PCDHGA6: variants seen among roughly 807,000 people sequenced by gnomAD.
PCDHGA6 encodes the protein protocadherin gamma subfamily A, 6.
A neutral mutation model predicts 60.6 loss-of-function variants in PCDHGA6; 41 were observed. The ratio of observed to expected loss-of-function variants is 0.68; its 90% CI spans 0.53 to 0.88. The LOEUF (loss-of-function observed/expected upper bound fraction) is 0.88, where lower values mean the gene tolerates loss of function less well. Ranked by LOEUF, PCDHGA6 falls within the 40% of genes least tolerant of loss-of-function variation. The pLI, the probability that PCDHGA6 is intolerant of heterozygous loss-of-function variation, is 0.00. For synonymous variants in PCDHGA6, 594 were observed against 524.4 expected, an observed-to-expected ratio of 1.13 and a Z score of -1.81; for missense variants, 1,312 against 1,203.0, an observed-to-expected ratio of 1.09 and a Z score of -1.34.
intron 1 of PCDHGA6, chr5:141,378,924 G>T (rs1426450881): frequency 6.6e-6 from 1 of 152,202 alleles, no homozygotes; most frequent in Non-Finnish European, 1.5e-5. Flanking sequence ...TCAAAAGTAA[G>T]TTGATGGCCC....
chr5:141,445,252 A>G (rs2098461096), intron 1 of PCDHGA6, among the ~76,000 whole-genome samples: 1 of 152,224 alleles, frequency 6.6e-6, no homozygotes, highest in Non-Finnish European at 1.5e-5. Context: ...ATATTGTGTG[A>G]GAATATAAGT....
intron 1 of PCDHGA6, chr5:141,394,248 C>T (rs937129072): frequency 9.3e-6 from 15 of 1,613,816 alleles, no homozygotes; most frequent in Admixed American, 6.7e-5. Flanking sequence ...TGCACACGAC[C>T]CCGACAGCCA....
At chr5:141,473,168 A>G (rs1026233643) in intron 1 of PCDHGA6, among the ~76,000 whole-genome samples, 2 of 152,218 alleles carry the variant, frequency 1.3e-5, no homozygotes, top group Admixed American at 1.3e-4. Context: ...AGGAAGGCCC[A>G]CTGGTAACTT....
intron 1 of PCDHGA6, among the ~76,000 whole-genome samples, chr5:141,435,619 T>A (rs2097772280): frequency 6.6e-6 from 1 of 152,190 alleles, no homozygotes; most frequent in Non-Finnish European, 1.5e-5. Context: ...AAATTCCCCA[T>A]AACTTTTACA....
rs979237199 is a variant in PCDHGA6, at chr5:141,477,828, G to C, written c.2425-16979G>C. On this transcript the variant is annotated intron_variant, in intron 1 of 3. Transcript: ENST00000517434. This position sits in a 1 kb window ranked among gnomAD's most constrained non-coding sequence, Gnocchi z 4.9. Reference sequence around the variant, plus strand: ...AATGCCCCCCAGGTCCTATATCCTCGGCCAGGTGGGAGCTCGGTGGAGATG... The same window carrying C: ...AATGCCCCCCAGGTCCTATATCCTCCGCCAGGTGGGAGCTCGGTGGAGATG... The C allele has an allele frequency of 3.7e-6, 6 of 1,614,082 alleles. No individual in the cohort carries two copies. The highest frequency in any genetic ancestry group is 3.4e-6 in the Non-Finnish European group (4 of 1,180,006).
intron 1 of PCDHGA6, among the ~76,000 whole-genome samples, chr5:141,472,711 C>T (rs1014451209): frequency 4.6e-5 from 7 of 151,904 alleles, no homozygotes; most frequent in Admixed American, 2.0e-4. Context: ...ACAGGCCAGG[C>T]GCTGTGGCTC....
intron 1 of PCDHGA6, chr5:141,393,008 T>C: frequency 1.2e-6 from 2 of 1,613,876 alleles, no homozygotes. Flanking sequence ...ACGGAGTCCG[T>C]ATCGTCTCCA....
chr5:141,388,591 A>G (rs761143693), intron 1 of PCDHGA6: 9 of 1,613,804 alleles, frequency 5.6e-6, no homozygotes, highest in African/African-American at 5.3e-5. Flanking sequence ...ACTGATGCCA[A>G]TGATAATGCT....
rs753030509 is a variant in PCDHGA6, at chr5:141,431,672, G to A, written c.2424+55165G>A. On this transcript the variant is annotated intron_variant, in intron 1 of 3. Transcript: ENST00000517434. The surrounding 1 kb of genome is among the most constrained non-coding windows in gnomAD (Gnocchi z 4.8). ...TAATTCAGGGACAATATCAACAATA[G>A]GGGAGTTGGACCACGAGGAGTCAGG... The A allele has an allele frequency of 9.3e-6, 15 of 1,614,110 alleles. No homozygotes were observed. Among genetic ancestry groups the A allele is most frequent in the African/African-American group, 4.0e-5 (3 of 74,948 alleles).
intron 1 of PCDHGA6, among the ~76,000 whole-genome samples, chr5:141,481,065 A>AAAAG (rs1476331686): frequency 6.6e-6 from 1 of 152,164 alleles, no homozygotes; most frequent in African/African-American, 2.4e-5. Context: ...CTCAAAAACA[A>AAAAG]AAAGAAAGAA....
At chr5:141,467,280 T>G (rs1021597111) in intron 1 of PCDHGA6, among the ~76,000 whole-genome samples, 58 of 152,272 alleles carry the variant, frequency 3.8e-4, no homozygotes, top group Admixed American at 2.6e-4. Flanking sequence ...CTCGAACTCT[T>G]GACCTCAAGT....
intron 1 of PCDHGA6, among the ~76,000 whole-genome samples, chr5:141,480,098 T>C (rs1415853757): frequency 6.6e-6 from 1 of 152,168 alleles, no homozygotes. Context: ...GTATGCAAAG[T>C]GTTTAGCATG....
Position 141,489,375 on chromosome 5 carries a change from G to C in PCDHGA6, c.2425-5432G>C. On this transcript the variant is annotated intron_variant, in intron 1 of 3. Coordinates refer to ENST00000517434, the MANE Select transcript of PCDHGA6 (RefSeq NM_018919.3). The surrounding 1 kb of genome is among the most constrained non-coding windows in gnomAD (Gnocchi z 4.5). ...AGGAGTCTGAGCCGGGGACGCTGGT[G>C]GGGAATGTTGCTCAGGATCTGGGCT... 1 of 1,613,826 alleles carries C rather than the reference G, an allele frequency of 6.2e-7. No homozygotes were observed.
rs569362520 is a variant in PCDHGA6 at position 141,415,063 on chromosome 5, G to T, written c.2424+38556G>T. ...CGCGGTGGGGGAGCACACGGGCGAG[G>T]TGCGCACGGCGCGAGCCCTGCTGGA... On this transcript the variant is annotated intron_variant, in intron 1 of 3. Coordinates refer to ENST00000517434, the MANE Select transcript of PCDHGA6 (RefSeq NM_018919.3). The T allele has an allele frequency of 3.1e-6, 5 of 1,613,432 alleles. No individual in the cohort carries two copies. The highest frequency in any genetic ancestry group is 3.3e-5 in the Admixed American group (2 of 60,008).
chr5:141,453,318 AG>A (rs1299190594), intron 1 of PCDHGA6, among the ~76,000 whole-genome samples: 2 of 151,458 alleles, frequency 1.3e-5, no homozygotes, highest in Non-Finnish European at 2.9e-5. Context: ...TTTATTTTAG[AG>A]ATGGGGTCTC....
At chr5:141,434,136 TC>T (rs2097674430) in intron 1 of PCDHGA6, among the ~76,000 whole-genome samples, 1 of 152,246 alleles carries the variant, frequency 6.6e-6, no homozygotes, top group Non-Finnish European at 1.5e-5. Context: ...TAGGCTGATT[TC>T]TATGTCCTTT....
chr5:141,383,903 TC>T lies in PCDHGA6; in HGVS notation c.2424+7397del, dbSNP rs769022323. On this transcript the variant is annotated intron_variant, in intron 1 of 3. Transcript: ENST00000517434. ...AGTCTGACAAAGGCAAAAGTACTGA[TC>T]ACAGTTTTAGATGTAAATGATAATG... The T allele has an allele frequency of 8.9e-5, 144 of 1,613,802 alleles. 1 individual carries two copies. The highest frequency in any genetic ancestry group is 1.1e-4 in the Non-Finnish European group (134 of 1,179,876).
intron 2 of PCDHGA6, among the ~76,000 whole-genome samples, chr5:141,498,944 A>G (rs1249475504): frequency 7.2e-6 from 1 of 139,096 alleles, no homozygotes; most frequent in Non-Finnish European, 1.6e-5. Flanking sequence ...AAAGAAAGAA[A>G]GAAAAAGAGA....
intron 1 of PCDHGA6, among the ~76,000 whole-genome samples, chr5:141,484,454 G>A (rs932663778): frequency 6.6e-6 from 1 of 152,212 alleles, no homozygotes; most frequent in African/African-American, 2.4e-5. Context: ...AATTGGCTAC[G>A]TTAATGTGTA....
Sources: gnomAD v4.1 joint callset for allele counts (sites outside exome capture counted in the v4.1 genomes callset) on GRCh38, gnomAD v4.1.1 for gene constraint, Gnocchi (gnomAD v3.1) non-coding constraint, MANE v1.5 for transcripts, NCBI Gene and HGNC (gene_info 2026-07-23, HGNC 2026-07-21) for gene names.